Variants in SARS1 observed in about 807,000 individuals in gnomAD.
SARS1 encodes seryl-tRNA synthetase 1, also known as serine--tRNA ligase, cytoplasmic.
Under a neutral mutation model 63.7 loss-of-function variants are expected in SARS1, and 25 were observed. The observed-to-expected ratio is 0.39, with a 90% CI of 0.29 to 0.55. SARS1 has a LOEUF of 0.55. SARS1 is among the 20% of genes least tolerant of loss of function. The pLI is 0.62. For missense variants in SARS1, 417 were observed against 649.7 expected (o/e 0.64, Z 3.89); for synonymous variants, 231 against 243.5 (o/e 0.95, Z 0.48).
chr1:109,228,642 G>C (rs902014530), intron 3 of SARS1, among the ~76,000 whole-genome samples: 9 of 152,192 alleles, frequency 5.9e-5, no homozygotes, highest in Admixed American at 1.3e-4. Flanking sequence ...GGGAGAGTCG[G>C]AGAGTCAAGG....
intron 2 of SARS1, among the ~76,000 whole-genome samples, chr1:109,226,642 C>T (rs1208843912): frequency 7.6e-6 from 1 of 131,600 alleles, no homozygotes; most frequent in East Asian, 2.3e-4. Context: ...TACAGGTGTA[C>T]TCCACTATGC....
Position 109,214,004 on chromosome 1 carries a change from T to C in SARS1, c.12T>C (p.Asp4=). The C allele has an allele frequency of 6.2e-7, 1 of 1,612,728 alleles. No individual in the cohort carries two copies. The highest frequency in any genetic ancestry group is 8.5e-7 in the Non-Finnish European group (1 of 1,179,446). Residue 4 remains aspartate, a synonymous_variant, in exon 1 of 11, where the codon GAT becomes GAC. Transcript: ENST00000234677. This position sits in a 1 kb window ranked among gnomAD's most constrained non-coding sequence, Gnocchi z 4.6. The part of the protein sequence containing the change: MVL[D]LDLFRVDKGG... ...CGGGAGGAAAGAAGATGGTGCTGGA[T>C]CTGGATTTGTTTCGGGTGGATAAAG...
intron 1 of SARS1, among the ~76,000 whole-genome samples, chr1:109,221,980 A>G (rs577688857): frequency 0.37 from 1,885 of 5,158 alleles, 274 homozygotes; most frequent in African/African-American, 0.49. Flanking sequence ...GTATATATAT[A>G]TATATATATA....
chr1:109,214,263 C>T lies in SARS1; in HGVS notation c.136+135C>T. 1 of 1,081,750 alleles carries T rather than the reference C, an allele frequency of 9.2e-7. No homozygotes were observed. The highest frequency in any genetic ancestry group is 1.3e-6 in the Non-Finnish European group (1 of 767,708). The allele number at this position is 1,081,750 out of a possible 1,614,324, so 67.0% of individuals were successfully genotyped here. On this transcript the variant is annotated intron_variant, in intron 1 of 10. Transcript: ENST00000234677. This position sits in a 1 kb window ranked among gnomAD's most constrained non-coding sequence, Gnocchi z 4.6. ...CCCAGGGTGCGGTGGCTCCGAGGTT[C>T]TCCCCATCCCCGAAAACACAGCCTG...
chr1:109,218,950 C>T (rs766556553), intron 1 of SARS1, among the ~76,000 whole-genome samples: 1 of 151,782 alleles, frequency 6.6e-6, no homozygotes, highest in Non-Finnish European at 1.5e-5. Flanking sequence ...ATATATACAC[C>T]AATGTAACAC....
chr1:109,219,748 T>A (rs1251348906), intron 1 of SARS1, among the ~76,000 whole-genome samples: 1 of 152,074 alleles, frequency 6.6e-6, no homozygotes, highest in Non-Finnish European at 1.5e-5. Context: ...CTCCTGACCT[T>A]GTGATCCACC....
At chr1:109,232,545 C>T (rs1311402997) in intron 6 of SARS1, among the ~76,000 whole-genome samples, 1 of 152,294 alleles carries the variant, frequency 6.6e-6, no homozygotes, top group East Asian at 1.9e-4. Context: ...TTGGACTCAT[C>T]TAATTTATAT....
At chr1:109,226,699 C>CACATATATATATATATATATAT (rs1206730217) in intron 2 of SARS1, among the ~76,000 whole-genome samples, 47 of 67,974 alleles carry the variant, frequency 6.9e-4, no homozygotes, top group Middle Eastern at 0.034. Context: ...TATATATATA[C>CACATATATATATATATATATAT]ACACACACAC....
chr1:109,237,943 A>C lies in SARS1; in HGVS notation c.*55A>C, dbSNP rs928737326. On this transcript the variant is annotated 3_prime_UTR_variant, in exon 11 of 11. Coordinates refer to ENST00000234677, the MANE Select transcript of SARS1 (RefSeq NM_006513.4). This position sits in a 1 kb window ranked among gnomAD's most constrained non-coding sequence, Gnocchi z 4.1. ...TCATTTCTGTCTGCTGAGATCTCAG[A>C]GCCTGCCCAACAGCAGGGAAGCCAA... 1.9e-6 allele frequency: 3 copies of C among 1,593,510 alleles called. No individual in the cohort carries two copies. The highest frequency in any genetic ancestry group is 2.6e-6 in the Non-Finnish European group (3 of 1,167,640).
At chr1:109,213,899 G>C (rs1263677107), upstream of SARS1, 1 of 1,455,040 alleles carries the variant, frequency 6.9e-7, no homozygotes, top group East Asian at 2.6e-5. Context: ...GCGCAGGAAG[G>C]GCGGGTCAGC....
In SARS1 at chr1:109,214,702, CT is replaced by C; in HGVS notation, c.136+577del. On this transcript the variant is annotated intron_variant, in intron 1 of 10. Transcript: ENST00000234677. The surrounding 1 kb of genome is among the most constrained non-coding windows in gnomAD (Gnocchi z 4.6). ...GCCATCCCCCGACCTATGGGCATAC[CT>C]TTAAGAATTAGAAAAGTCTTTTCCG... The C allele has an allele frequency of 1.0e-6, 1 of 985,480 alleles. No homozygotes were observed. The highest frequency in any genetic ancestry group is 1.2e-6 in the Non-Finnish European group (1 of 829,978). The allele number at this position is 985,480 out of a possible 1,614,324, so 61.0% of individuals were successfully genotyped here.
intron 1 of SARS1, chr1:109,215,235 C>G: frequency 1.0e-6 from 1 of 985,398 alleles, no homozygotes; most frequent in Non-Finnish European, 1.2e-6. Context: ...CCTGAAGTTT[C>G]GAGTTGCAAT....
At chr1:109,234,919 T>C (rs1221192674) in intron 6 of SARS1, among the ~76,000 whole-genome samples, 1 of 152,186 alleles carries the variant, frequency 6.6e-6, no homozygotes, top group African/African-American at 2.4e-5. Context: ...TGAGCCGAGA[T>C]TGTGCCACTG....
chr1:109,235,158 G>A lies in SARS1; in HGVS notation c.748-52G>A, dbSNP rs1312936121. 5.6e-6 allele frequency: 8 copies of A among 1,433,768 alleles called. No homozygotes were observed. Among genetic ancestry groups the A allele is most frequent in the East Asian group, 2.3e-5 (1 of 43,844 alleles). The allele number at this position is 1,433,768 out of a possible 1,614,324, so 88.8% of individuals were successfully genotyped here. ...CTCTTTCTTGTGGTTTCTTATTCTAGCCAAGGTCCTCCCCACTTCCTCTTA... is the reference window on the plus strand; with the variant it reads ...CTCTTTCTTGTGGTTTCTTATTCTAACCAAGGTCCTCCCCACTTCCTCTTA... On this transcript the variant is annotated intron_variant, in intron 6 of 10. Transcript: ENST00000234677. The surrounding 1 kb of genome is among the most constrained non-coding windows in gnomAD (Gnocchi z 4.7).
intron 3 of SARS1, 122 bp from the exon 4 acceptor site, chr1:109,229,291 GT>G: frequency 1.0e-6 from 1 of 987,028 alleles, no homozygotes; most frequent in South Asian, 1.6e-5. Flanking sequence ...TTCGTTTCCA[GT>G]TTTTAAAATG....
In SARS1 at chr1:109,236,102, C is replaced by T; in HGVS notation, c.1095C>T (p.Val365=). 1.9e-6 allele frequency: 3 copies of T among 1,613,018 alleles called. No homozygotes were observed. Among genetic ancestry groups the T allele is most frequent in the Non-Finnish European group, 2.5e-6 (3 of 1,179,456 alleles). The change falls in exon 8 of 11, where the codon GTC becomes GTT. Residue 365 remains valine (V), a synonymous_variant. Transcript: ENST00000234677. The part of the protein sequence containing the change: ...LGIPYHIVNI[V]SGSLNHAASK... ...TTCCTTACCACATTGTGAATATTGTCTCAGGTATGGGACCCAGCCTCTTCT... is the reference window on the plus strand; with the variant it reads ...TTCCTTACCACATTGTGAATATTGTTTCAGGTATGGGACCCAGCCTCTTCT...
chr1:109,230,873 C>T lies in SARS1; in HGVS notation c.448-5C>T. On this transcript the variant is annotated splice_region_variant and splice_polypyrimidine_tract_variant and intron_variant, in intron 4 of 10. Transcript: ENST00000234677. ...GTATGTCTCTTTCTTGCTCTGTTTC[C>T]TTAGGATGTGGACAACAAAGTAGAG... 1 of 1,598,802 alleles carries T rather than the reference C, an allele frequency of 6.3e-7. No individual in the cohort carries two copies. The highest frequency in any genetic ancestry group is 1.1e-5 in the South Asian group (1 of 89,900).
At chr1:109,219,197 C>T (rs555683866) in intron 1 of SARS1, among the ~76,000 whole-genome samples, 3 of 135,688 alleles carry the variant, frequency 2.2e-5, no homozygotes, top group Non-Finnish European at 4.8e-5. Flanking sequence ...ACCCAGGAGG[C>T]GGAGCTTGCA....
intron 2 of SARS1, among the ~76,000 whole-genome samples, chr1:109,224,694 A>G (rs1273304180): frequency 6.6e-6 from 1 of 152,132 alleles, no homozygotes; most frequent in Non-Finnish European, 1.5e-5. Flanking sequence ...AATCCTTCCT[A>G]TGCCTGAAAA....
Sources: gnomAD v4.1 joint callset for allele counts (sites outside exome capture counted in the v4.1 genomes callset) on GRCh38, gnomAD v4.1.1 for gene constraint, Gnocchi (gnomAD v3.1) non-coding constraint, MANE v1.5 for transcripts, NCBI Gene and HGNC (gene_info 2026-07-23, HGNC 2026-07-21) for gene names.